The following HOMER2 variants were observed in gnomAD, a reference collection of about 807,000 sequenced individuals.
HOMER2 encodes homer protein homolog 2.
HOMER2 carries 27 observed loss-of-function variants against 47.0 expected under a neutral mutation model. That is an observed-to-expected ratio of 0.57 (90% CI 0.42 to 0.79). The LOEUF is 0.79. Ranked by LOEUF, HOMER2 falls within the 30% of genes least tolerant of loss-of-function variation. The probability of loss-of-function intolerance (pLI) is 0.00; values close to 1 mark genes in which losing one functional copy is unlikely to be tolerated. For missense variants in HOMER2, 443 were observed against 435.0 expected (o/e 1.02, Z -0.16); for synonymous variants, 161 against 163.8 (o/e 0.98, Z 0.13).
At chr15:82,875,969 G>A (rs769684899) in intron 2 of HOMER2, among the ~76,000 whole-genome samples, 4 of 152,232 alleles carry the variant, frequency 2.6e-5, no homozygotes, top group Non-Finnish European at 4.4e-5. Context: ...CAGGGAATCT[G>A]TAAGGATGGT....
chr15:82,870,028 T>C (rs1377475755), intron 3 of HOMER2, among the ~76,000 whole-genome samples: 1 of 152,214 alleles, frequency 6.6e-6, no homozygotes, highest in Non-Finnish European at 1.5e-5. Flanking sequence ...CATTTTTTGG[T>C]ACTTATTAAA....
At chr15:82,882,881 C>CTTTTT (rs757073475) in intron 2 of HOMER2, among the ~76,000 whole-genome samples, 229 of 27,008 alleles carry the variant, frequency 8.5e-3, no homozygotes, top group Non-Finnish European at 0.01. Flanking sequence ...CCAGCCACTG[C>CTTTTT]TTTTTTTTTT....
chr15:82,910,375 G>C (rs1247576709), intron 1 of HOMER2, among the ~76,000 whole-genome samples: 1 of 152,146 alleles, frequency 6.6e-6, no homozygotes, highest in Non-Finnish European at 1.5e-5. Flanking sequence ...CCAGTGGGGT[G>C]AGTCGGTGAG....
intron 1 of HOMER2, among the ~76,000 whole-genome samples, chr15:82,969,377 T>C (rs1414034010): frequency 6.6e-6 from 1 of 152,242 alleles, no homozygotes; most frequent in Non-Finnish European, 1.5e-5. Context: ...CATGACTAGC[T>C]GCACGTCTTT....
chr15:82,881,069 G>A (rs546169576), intron 2 of HOMER2, among the ~76,000 whole-genome samples: 2 of 152,254 alleles, frequency 1.3e-5, no homozygotes, highest in African/African-American at 2.4e-5. Context: ...AGAAGGGGCT[G>A]TGCTAAAGCA....
chr15:82,983,596 C>CT (rs879803049), intron 1 of HOMER2, among the ~76,000 whole-genome samples: 28 of 145,902 alleles, frequency 1.9e-4, no homozygotes, highest in East Asian at 5.9e-4. Flanking sequence ...TCTTTTCTTT[C>CT]TTTTTTTTTT....
chr15:82,968,011 T>A (rs2151255635), intron 1 of HOMER2, among the ~76,000 whole-genome samples: 1 of 152,306 alleles, frequency 6.6e-6, no homozygotes, highest in African/African-American at 2.4e-5. Context: ...CAAAAATATA[T>A]ATAACATATT....
chr15:82,919,696 T>C (rs1256321263), intron 1 of HOMER2, among the ~76,000 whole-genome samples: 4 of 152,214 alleles, frequency 2.6e-5, no homozygotes, highest in Admixed American at 6.5e-5. Flanking sequence ...CTTATGACTA[T>C]ATAAATATTG....
chr15:82,898,136 A>C (rs898337885), intron 1 of HOMER2, among the ~76,000 whole-genome samples: 6 of 152,190 alleles, frequency 3.9e-5, no homozygotes, highest in Non-Finnish European at 4.4e-5. Context: ...CTGAACAACA[A>C]ATCTTAACAC....
chr15:82,930,451 C>T (rs2053978803), intron 1 of HOMER2, among the ~76,000 whole-genome samples: 1 of 152,190 alleles, frequency 6.6e-6, no homozygotes, highest in South Asian at 2.1e-4. Flanking sequence ...GCACAGACAG[C>T]CAGGAAGCAG....
intron 5 of HOMER2, among the ~76,000 whole-genome samples, chr15:82,857,475 G>A (rs1158433530): frequency 2.4e-5 from 3 of 124,804 alleles, no homozygotes; most frequent in African/African-American, 3.1e-5. Context: ...CTGTCGACCC[G>A]GCTGGAGTGC....
intron 8 of HOMER2, among the ~76,000 whole-genome samples, 172 bp downstream of exon 8, chr15:82,850,979 G>A (rs1003132309): frequency 6.6e-6 from 1 of 152,260 alleles, no homozygotes; most frequent in African/African-American, 2.4e-5. Context: ...TGCCCCGGGG[G>A]CAGGGGTGGA....
chr15:82,920,471 G>A (rs2053699820), intron 1 of HOMER2, among the ~76,000 whole-genome samples: 1 of 152,170 alleles, frequency 6.6e-6, no homozygotes, highest in South Asian at 2.1e-4. Flanking sequence ...GCCTCCAGAG[G>A]CTCTAGGGTT....
chr15:82,843,563 T>C (rs987572746), exon 2 of HOMER2: 1 of 151,000 alleles, frequency 6.6e-6, no homozygotes, highest in African/African-American at 2.4e-5. Flanking sequence ...CTAAAAGGTG[T>C]TTTTTTAAAT....
Position 82,871,983 on chromosome 15 carries a change from A to C in HOMER2, c.294+3290T>G, listed in dbSNP as rs191691304. 1.4e-4 allele frequency among the ~76,000 whole-genome samples: 22 copies of C among 152,262 alleles called. 1 individual carries two copies. The highest frequency in any genetic ancestry group is 2.2e-4 in the Non-Finnish European group (15 of 68,012). ...TCTCAAACCATCCTTGGCTTCAGGG[A>C]AGAACTTCCAGCCCTGGGAGGGAAC... On this transcript the variant is annotated intron_variant, in intron 3 of 8. Coordinates refer to ENST00000450735, the MANE Select transcript of HOMER2 (RefSeq NM_004839.4).
exon 2 of HOMER2, chr15:82,841,844 G>A (rs1031103964): frequency 6.6e-6 from 1 of 152,166 alleles, no homozygotes; most frequent in Non-Finnish European, 1.5e-5. Context: ...GTAGATTGAT[G>A]TGTACTGACA....
At chr15:82,893,541 C>T (rs1392767205) in intron 1 of HOMER2, among the ~76,000 whole-genome samples, 4 of 151,598 alleles carry the variant, frequency 2.6e-5, no homozygotes, top group Non-Finnish European at 5.9e-5. Context: ...CTATGTTGGC[C>T]GGGCTGGTCT....
At chr15:82,959,095 C>G (rs1290073713) in exon 2 of HOMER2, 1 of 152,412 alleles carries the variant, frequency 6.6e-6, no homozygotes, top group Non-Finnish European at 1.5e-5. Flanking sequence ...TCCCAACTCA[C>G]ATTCAAGTCT....
chr15:82,952,384 G>A (rs1284508885), intron 1 of HOMER2, 147 bp downstream of exon 1: 2 of 507,414 alleles, frequency 3.9e-6, no homozygotes, highest in Non-Finnish European at 5.6e-6. Context: ...GGTGGCCCCA[G>A]ACTCCCGGGC....
Sources: allele counts gnomAD v4.1 joint callset (sites outside exome capture counted in the v4.1 genomes callset), GRCh38; gene constraint gnomAD v4.1.1; transcripts MANE v1.5; gene names NCBI Gene and HGNC (gene_info 2026-07-23, HGNC 2026-07-21).